TM9SF2: variants seen among roughly 807,000 people sequenced by gnomAD.
The protein encoded by TM9SF2 is 76 kDa membrane protein.
In TM9SF2, 13 loss-of-function variants were observed where a neutral mutation model predicts 84.9. The observed-to-expected ratio is 0.15, with a 90% CI of 0.10 to 0.24. The LOEUF is 0.24. Among genes scored for constraint, TM9SF2 ranks in the 10% least tolerant of loss-of-function variants. TM9SF2 has a pLI of 1.00. For missense variants in TM9SF2, 562 were observed against 818.5 expected, an observed-to-expected ratio of 0.69 and a Z score of 3.82; for synonymous variants, 273 against 285.8, an observed-to-expected ratio of 0.96 and a Z score of 0.45.
At chr13:99,509,369 C>T (rs1423055544) in intron 1 of TM9SF2, among the ~76,000 whole-genome samples, 1 of 152,246 alleles carries the variant, frequency 6.6e-6, no homozygotes. Context: ...TTCCCCTCCA[C>T]ACTGCCCTAC....
chr13:99,552,420 G>GTAAACT, intron 13 of TM9SF2, 94 bp downstream of exon 13: 2 of 1,243,812 alleles, frequency 1.6e-6, no homozygotes, highest in Non-Finnish European at 2.2e-6. Context: ...GTGTAAAGAT[G>GTAAACT]TAAACTTGTC....
At chr13:99,505,839 T>G (rs1303622662) in intron 1 of TM9SF2, among the ~76,000 whole-genome samples, 1 of 152,246 alleles carries the variant, frequency 6.6e-6, no homozygotes, top group African/African-American at 2.4e-5. Flanking sequence ...TGCTTTCAAC[T>G]TTCAAGTAAT....
intron 1 of TM9SF2, among the ~76,000 whole-genome samples, chr13:99,516,117 A>G (rs916008723): frequency 6.6e-5 from 10 of 152,156 alleles, no homozygotes; most frequent in African/African-American, 1.9e-4. Flanking sequence ...AATGTTTAAT[A>G]ATTTGACCAC....
chr13:99,526,448 G>A (rs1257392301), intron 3 of TM9SF2, among the ~76,000 whole-genome samples: 1 of 152,204 alleles, frequency 6.6e-6, no homozygotes, highest in Non-Finnish European at 1.5e-5. Context: ...TGCACAGGGG[G>A]CATGTGAGGC....
chr13:99,532,488 G>A (rs1285088475), intron 4 of TM9SF2, among the ~76,000 whole-genome samples: 6 of 152,022 alleles, frequency 3.9e-5, no homozygotes, highest in East Asian at 2.0e-4. Flanking sequence ...CCAGGAGTTC[G>A]AGACCAGCCT....
intron 15 of TM9SF2, among the ~76,000 whole-genome samples, chr13:99,557,925 C>G (rs1382294848): frequency 6.6e-6 from 1 of 152,072 alleles, no homozygotes; most frequent in Non-Finnish European, 1.5e-5. Context: ...AAGATTTACC[C>G]CCATGTTTTC....
At chr13:99,558,776 T>C (rs533072287) in intron 15 of TM9SF2, among the ~76,000 whole-genome samples, 2 of 152,226 alleles carry the variant, frequency 1.3e-5, no homozygotes, top group East Asian at 3.9e-4. Context: ...AGTCTCAGTT[T>C]GCTTTTCGAA....
At chr13:99,525,320 C>G (rs2139084103) in intron 3 of TM9SF2, among the ~76,000 whole-genome samples, 1 of 152,278 alleles carries the variant, frequency 6.6e-6, no homozygotes, top group East Asian at 1.9e-4. Context: ...CAGCTCACTG[C>G]AACCTCCACC....
intron 12 of TM9SF2, 65 bp downstream of exon 12, chr13:99,549,287 C>T (rs973947924): frequency 6.0e-5 from 81 of 1,339,300 alleles, no homozygotes; most frequent in African/African-American, 4.6e-4. Context: ...AATTTTCAGT[C>T]GTTGAGTCTT....
intron 1 of TM9SF2, among the ~76,000 whole-genome samples, chr13:99,505,689 A>T (rs904296495): frequency 3.3e-5 from 5 of 152,334 alleles, no homozygotes; most frequent in Admixed American, 3.3e-4. Context: ...CCAGGATAAA[A>T]TCCACAGTTC....
chr13:99,546,303 A>G (rs951396916), intron 10 of TM9SF2, among the ~76,000 whole-genome samples: 1 of 152,210 alleles, frequency 6.6e-6, no homozygotes, highest in Non-Finnish European at 1.5e-5. Context: ...TGAGCACCTT[A>G]TAACTTCTGA....
At chr13:99,539,613 C>A in intron 7 of TM9SF2, 56 bp downstream of exon 7, 1 of 1,108,774 alleles carries the variant, frequency 9.0e-7, no homozygotes, top group Non-Finnish European at 1.4e-6. Context: ...ATTTGTACTA[C>A]TTAAACTAAT....
chr13:99,525,741 G>A (rs2046180202), intron 3 of TM9SF2, among the ~76,000 whole-genome samples: 1 of 151,948 alleles, frequency 6.6e-6, no homozygotes, highest in Non-Finnish European at 1.5e-5. Flanking sequence ...ATTTTTAGTA[G>A]AGATGGGGTT....
intron 2 of TM9SF2, among the ~76,000 whole-genome samples, chr13:99,519,215 C>G (rs992788853): frequency 4.6e-5 from 7 of 150,784 alleles, no homozygotes; most frequent in African/African-American, 1.7e-4. Flanking sequence ...TGTTAAACAT[C>G]TTTAAATCTT....
intron 6 of TM9SF2, 86 bp from the exon 7 acceptor site, chr13:99,539,359 TA>T: frequency 1.2e-6 from 1 of 802,086 alleles, no homozygotes; most frequent in Non-Finnish European, 2.1e-6. Context: ...AGCAGCATTT[TA>T]AAATACGTAC....
In TM9SF2 at chr13:99,562,804, C is replaced by T. The variant is rs748136369; in HGVS notation, c.*46C>T. 7.0e-6 allele frequency: 11 copies of T among 1,581,440 alleles called. No individual in the cohort carries two copies. The East Asian group carries it at 2.5e-4, about 36-fold the overall frequency. On this transcript the variant is annotated 3_prime_UTR_variant, in exon 17 of 17. Transcript: ENST00000376387. ...TAAAACAGAAATAAATTAAACTCTTCATCAACAAAGACCTGTTTTTGTGAC... is the reference window on the plus strand; with the variant it reads ...TAAAACAGAAATAAATTAAACTCTTTATCAACAAAGACCTGTTTTTGTGAC...
At chr13:99,503,709 C>CAAAAAAAAAA (rs386380419) in intron 1 of TM9SF2, among the ~76,000 whole-genome samples, 1 of 78,478 alleles carries the variant, frequency 1.3e-5, no homozygotes, top group Non-Finnish European at 2.5e-5. Context: ...GACTTTGTCT[C>CAAAAAAAAAA]AAAAAAAAAA....
intron 12 of TM9SF2, among the ~76,000 whole-genome samples, chr13:99,549,723 C>T (rs971628904): frequency 2.0e-5 from 3 of 152,194 alleles, no homozygotes; most frequent in African/African-American, 7.2e-5. Context: ...CTTCTCCTCT[C>T]GATTATCTGA....
chr13:99,547,142 A>C (rs745869610), intron 11 of TM9SF2, 38 bp downstream of exon 11: 1 of 1,609,100 alleles, frequency 6.2e-7, no homozygotes, highest in African/African-American at 1.3e-5. Flanking sequence ...CTGATCAGGA[A>C]GGGACTCTGC....
Sources: allele counts gnomAD v4.1 joint callset (sites outside exome capture counted in the v4.1 genomes callset), GRCh38; gene constraint gnomAD v4.1.1; transcripts MANE v1.5; gene names NCBI Gene and HGNC (gene_info 2026-07-23, HGNC 2026-07-21).